ADGRL1: variants seen among roughly 807,000 people sequenced by gnomAD.
ADGRL1 encodes CIRL-1.
In ADGRL1, 31 loss-of-function variants were observed where a neutral mutation model predicts 148.9. That is an observed-to-expected ratio of 0.21 (90% CI 0.16 to 0.28). ADGRL1 has a LOEUF of 0.28. Among genes scored for constraint, ADGRL1 ranks in the 10% least tolerant of loss-of-function variants. ADGRL1 has a pLI of 1.00. For missense variants in ADGRL1, 1,521 were observed against 2,058.8 expected (o/e 0.74, Z 5.05); for synonymous variants, 937 against 900.3 (o/e 1.04, Z -0.73).
chr19:14,158,462 C>G lies in ADGRL1; in HGVS notation c.2240G>C (p.Gly747Ala), dbSNP rs754428675. 4 of 1,613,922 alleles carry G rather than the reference C, an allele frequency of 2.5e-6. No individual in the cohort carries two copies. In the South Asian group the frequency reaches 4.4e-5, roughly 18 times the overall value. Residue 747 changes from glycine (G) to alanine (A), a missense_variant, in exon 12 of 23, where the codon GGC (glycine) becomes GCC (alanine). Transcript: ENST00000361434. ...AGAGGCGCCCCCAGGGCCACCCGGG[C>G]CTGCTTCGCCGGCCAGCTTCACTGT... is the stretch of plus-strand genomic sequence containing the variant. The part of the protein sequence containing the change: ...NATVKLAGEA[G>A]PGGPGGASLV...
chr19:14,193,594 C>A (rs1359356651), intron 1 of ADGRL1, among the ~76,000 whole-genome samples: 15 of 151,850 alleles, frequency 9.9e-5, no homozygotes, highest in African/African-American at 3.6e-4. Context: ...GTCAAAAATA[C>A]AAAAGATATG....
intron 1 of ADGRL1, among the ~76,000 whole-genome samples, chr19:14,202,334 C>T (rs1009576685): frequency 6.6e-6 from 1 of 151,924 alleles, no homozygotes; most frequent in Non-Finnish European, 1.5e-5. Context: ...CTCGCTGCAA[C>T]CTCCGCCTCC....
At chr19:14,179,225 T>A (rs1015144561) in intron 2 of ADGRL1, among the ~76,000 whole-genome samples, 11 of 150,812 alleles carry the variant, frequency 7.3e-5, no homozygotes, top group Non-Finnish European at 1.5e-4. Flanking sequence ...TCAGGCACGG[T>A]GGCTCACGCC....
rs559601116 is a variant in ADGRL1, at chr19:14,183,256, A to G, written c.70+277T>C. ...GAGAGAGGAGCATCGGCTCACCAAG[A>G]AGGCCTGTCCTGGTCCCAGGGGCCA... On this transcript the variant is annotated intron_variant, in intron 2 of 22. Transcript: ENST00000361434. Among the ~76,000 whole-genome samples, 29 of 148,504 alleles carry G rather than the reference A, an allele frequency of 2.0e-4. 1 individual carries two copies. Among genetic ancestry groups the G allele is most frequent in the Middle Eastern group, 3.4e-3 (1 of 294 alleles).
intron 1 of ADGRL1, among the ~76,000 whole-genome samples, chr19:14,189,214 CT>C (rs869270152): frequency 0.017 from 2,286 of 136,338 alleles, 36 homozygotes; most frequent in African/African-American, 0.048. Flanking sequence ...GCTATGTGGC[CT>C]TTTTTTTTTT....
In ADGRL1 at chr19:14,152,250, G is replaced by A; in HGVS notation, c.3649+59C>T. ...GGGGCACAGAACATCCCATGCAGAG[G>A]TCCCTTGGGACACAAACCCTCCATT... On this transcript the variant is annotated intron_variant, in intron 21 of 22. Coordinates refer to ENST00000361434, the MANE Select transcript of ADGRL1 (RefSeq NM_014921.5). This position sits in a 1 kb window ranked among gnomAD's most constrained non-coding sequence, Gnocchi z 6.1. 1 of 1,613,248 alleles carries A rather than the reference G, an allele frequency of 6.2e-7. No individual in the cohort carries two copies. The highest frequency in any genetic ancestry group is 8.5e-7 in the Non-Finnish European group (1 of 1,179,418).
At chr19:14,171,645 T>G (rs1396281784) in intron 3 of ADGRL1, among the ~76,000 whole-genome samples, 5 of 152,214 alleles carry the variant, frequency 3.3e-5, no homozygotes, top group Admixed American at 6.5e-5. Flanking sequence ...TGTGTCCACT[T>G]CACACCATCT....
At chr19:14,164,166 C>G (rs968026800) in intron 4 of ADGRL1, among the ~76,000 whole-genome samples, 6 of 151,910 alleles carry the variant, frequency 3.9e-5, no homozygotes, top group African/African-American at 1.5e-4. Context: ...CAGGCTAGGA[C>G]GGGGAATGAA....
intron 1 of ADGRL1, among the ~76,000 whole-genome samples, chr19:14,194,457 G>GAC (rs1480199802): frequency 6.6e-6 from 1 of 152,252 alleles, no homozygotes; most frequent in Non-Finnish European, 1.5e-5. Flanking sequence ...AGATGCCTGG[G>GAC]ACAGTGACGG....
chr19:14,183,860 C>T (rs1414654381), intron 1 of ADGRL1, among the ~76,000 whole-genome samples, 163 bp from the exon 2 acceptor site: 1 of 152,168 alleles, frequency 6.6e-6, no homozygotes, highest in African/African-American at 2.4e-5. Context: ...ACACCACACC[C>T]CCCACCCTTA....
At position 14,183,624 on chromosome 19, in the gene ADGRL1, CG is replaced by C; in HGVS notation, c.-23del. 1 of 1,558,506 alleles carries C rather than the reference CG, an allele frequency of 6.4e-7. No individual in the cohort carries two copies. Among genetic ancestry groups the C allele is most frequent in the African/African-American group, 1.4e-5 (1 of 73,576 alleles). On this transcript the variant is annotated 5_prime_UTR_variant, in exon 2 of 23. Coordinates refer to ENST00000361434, the MANE Select transcript of ADGRL1 (RefSeq NM_014921.5). ...CCATGGTGGCAGCCGGGTGCGTGTC[CG>C]GAGCTCTCAGTGGCCTGTGCGGGGG... is the stretch of plus-strand genomic sequence containing the variant.
chr19:14,194,262 G>A lies in ADGRL1; in HGVS notation c.-95-10565C>T, dbSNP rs183771532. Reference sequence around the variant, plus strand: ...AAGTCTCTGTTGCTAAAGCTGTCCCGTCTGTGGTAATTTGTTGTGGGAGCC... The same window carrying A: ...AAGTCTCTGTTGCTAAAGCTGTCCCATCTGTGGTAATTTGTTGTGGGAGCC... On this transcript the variant is annotated intron_variant, in intron 1 of 22. Coordinates refer to ENST00000361434, the MANE Select transcript of ADGRL1 (RefSeq NM_014921.5). Among the ~76,000 whole-genome samples, 5 of 152,308 alleles carry A rather than the reference G, an allele frequency of 3.3e-5. No individual in the cohort carries two copies. The East Asian group carries it at 5.8e-4, about 18-fold the overall frequency.
Position 14,151,103 on chromosome 19 carries a change from C to T in ADGRL1, c.4180G>A (p.Asp1394Asn), listed in dbSNP as rs747015664. The change falls in exon 23 of 23, where the codon GAC becomes AAC. Residue 1394 changes from aspartate to asparagine, a missense_variant. Around this residue, in one of 8 missense-constraint regions of ADGRL1, gnomAD observed 390 missense variants for 375.0 expected, o/e 1.04. Coordinates refer to ENST00000361434, the MANE Select transcript of ADGRL1 (RefSeq NM_014921.5). ...ANLRDSPSYP[D>N]SSPEGPSEAL... ...TCACTGGGCCCCTCAGGGCTGCTGT[C>T]CGGGTAGGAGGGTGAGTCCCGCAGG... 6.9e-5 allele frequency: 106 copies of T among 1,543,374 alleles called. 1 individual carries two copies. Among genetic ancestry groups the T allele is most frequent in the Non-Finnish European group, 9.0e-5 (103 of 1,146,780 alleles).
intron 2 of ADGRL1, among the ~76,000 whole-genome samples, chr19:14,179,020 C>T (rs1971010693): frequency 6.6e-6 from 1 of 151,806 alleles, no homozygotes; most frequent in African/African-American, 2.4e-5. Flanking sequence ...CCCATCTCTA[C>T]TAAAAATACA....
intron 22 of ADGRL1, 44 bp from the exon 23 acceptor site, chr19:14,151,659 G>C (rs1968212526): frequency 6.5e-7 from 1 of 1,537,246 alleles, no homozygotes; most frequent in Admixed American, 2.0e-5. Context: ...AGGGGCCCTG[G>C]ATGCACTAGG....
intron 1 of ADGRL1, among the ~76,000 whole-genome samples, chr19:14,195,649 G>T (rs903821037): frequency 6.6e-6 from 1 of 152,130 alleles, no homozygotes; most frequent in Admixed American, 6.6e-5. Context: ...TCAGGCATCC[G>T]GCAGGTCCAT....
At chr19:14,194,648 G>C (rs1459816060) in intron 1 of ADGRL1, among the ~76,000 whole-genome samples, 3 of 152,216 alleles carry the variant, frequency 2.0e-5, no homozygotes, top group Non-Finnish European at 1.5e-5. Context: ...GGGAGGGCTG[G>C]CTCCCCAGGT....
At chr19:14,169,828 G>C (rs1217954008) in intron 4 of ADGRL1, 1 of 152,472 alleles carries the variant, frequency 6.6e-6, no homozygotes, top group Non-Finnish European at 1.5e-5. Context: ...GAAGGAGGGA[G>C]GGAGGAGAGA....
chr19:14,158,109 T>C, intron 12 of ADGRL1, 57 bp from the exon 13 acceptor site: 1 of 1,567,802 alleles, frequency 6.4e-7, no homozygotes. Context: ...GGAGTCCCAT[T>C]CCGACCCCCC....
Sources: allele counts gnomAD v4.1 joint callset (sites outside exome capture counted in the v4.1 genomes callset), GRCh38; gene constraint gnomAD v4.1.1; regional missense constraint gnomAD v4.1.1; non-coding constraint Gnocchi (gnomAD v3.1); transcripts MANE v1.5; gene names NCBI Gene and HGNC (gene_info 2026-07-23, HGNC 2026-07-21).